AFG3L2: variants seen among roughly 807,000 people sequenced by gnomAD.
AFG3L2 encodes AFG3 like matrix AAA peptidase subunit 2, also known as mitochondrial inner membrane m-AAA protease component AFG3L2.
Under a neutral mutation model 94.5 loss-of-function variants are expected in AFG3L2, and 54 were observed. The observed-to-expected ratio is 0.57, with a 90% CI of 0.46 to 0.72. The LOEUF (loss-of-function observed/expected upper bound fraction) is 0.72. Ranked by LOEUF, AFG3L2 falls within the 30% of genes least tolerant of loss-of-function variation. AFG3L2 has a pLI of 0.00. For missense variants in AFG3L2, 754 were observed against 994.9 expected (o/e 0.76, Z 3.26); for synonymous variants, 377 against 365.5 (o/e 1.03, Z -0.36).
rs553888943 is a variant in AFG3L2, at chr18:12,377,192, A to G, written c.-110T>C. The stretch of plus-strand genomic sequence containing the variant: ...TCGGGGAAAGGCCGCCAGGCAGCGA[A>G]GCGCGCCGGCGGCTCACGGAGGAGC... On this transcript the variant is annotated 5_prime_UTR_variant, in exon 1 of 17. Transcript: ENST00000269143. 1.1e-4 allele frequency: 98 copies of G among 858,794 alleles called. No homozygotes were observed. In the African/African-American group the frequency reaches 1.7e-3, roughly 15 times the overall value. The allele number at this position is 858,794 out of a possible 1,614,324, so 53.2% of individuals were successfully genotyped here.
At chr18:12,375,954 C>G (rs1464556916) in intron 1 of AFG3L2, among the ~76,000 whole-genome samples, 2 of 152,120 alleles carry the variant, frequency 1.3e-5, no homozygotes, top group African/African-American at 4.8e-5. Context: ...GCACTCCGGC[C>G]TGGGCGAAGA....
chr18:12,347,399 C>A (rs1908174445), intron 13 of AFG3L2, among the ~76,000 whole-genome samples: 1 of 152,196 alleles, frequency 6.6e-6, no homozygotes. Context: ...CCTTTGAATG[C>A]CCAAGTTCTT....
At chr18:12,337,828 G>A (rs189602033) in intron 15 of AFG3L2, among the ~76,000 whole-genome samples, 77 of 152,160 alleles carry the variant, frequency 5.1e-4, no homozygotes, top group African/African-American at 1.8e-3. Flanking sequence ...ATAGTGCAGT[G>A]GCACCATCTT....
intron 13 of AFG3L2, among the ~76,000 whole-genome samples, chr18:12,346,903 C>CAAA (rs35013811): frequency 2.7e-5 from 1 of 36,854 alleles, no homozygotes; most frequent in Non-Finnish European, 4.7e-5. Context: ...GACTCCATCT[C>CAAA]AAAAAAAAAA....
chr18:12,345,980 C>T (rs1273008529), intron 13 of AFG3L2, among the ~76,000 whole-genome samples: 1 of 152,180 alleles, frequency 6.6e-6, no homozygotes, highest in Non-Finnish European at 1.5e-5. Context: ...AAGCCCCACT[C>T]GTCTGGTTTT....
At chr18:12,345,050 A>G (rs1451232323) in intron 13 of AFG3L2, among the ~76,000 whole-genome samples, 1 of 152,336 alleles carries the variant, frequency 6.6e-6, no homozygotes, top group Admixed American at 6.5e-5. Context: ...TGGAAGGCAG[A>G]AGAGAGTCTG....
At chr18:12,365,871 CTTTT>C (rs576247423) in intron 5 of AFG3L2, among the ~76,000 whole-genome samples, 1 of 113,832 alleles carries the variant, frequency 8.8e-6, no homozygotes, top group Non-Finnish European at 1.7e-5. Flanking sequence ...TGCATCAATT[CTTTT>C]TTTTTTTTTT....
Position 12,367,317 on chromosome 18 carries a change from C to G in AFG3L2, c.358G>C (p.Gly120Arg). The change falls in exon 4 of 17, where the codon GGC becomes CGC. Residue 120 changes from glycine (G) to arginine (R), a missense_variant. Gly to Arg is a moderately radical substitution (Grantham distance 125, BLOSUM62 -2). Around this residue, in one of 4 missense-constraint regions of AFG3L2, gnomAD observed 236 missense variants for 214.0 expected, o/e 1.10. Transcript: ENST00000269143. The stretch of plus-strand genomic sequence containing the variant: ...CACCAGTGAGAATCATCTTTCTTGC[C>G]ACCTCGTTTTCCACCGCCACCACCT... Reference protein sequence around the residue: ...GGGGGGGKRGGKKDDSHWWSR... With the variant: ...GGGGGGGKRGRKKDDSHWWSR... The G allele has an allele frequency of 6.2e-7, 1 of 1,614,182 alleles. No homozygotes were observed. Among genetic ancestry groups the G allele is most frequent in the Middle Eastern group, 1.6e-4 (1 of 6,062 alleles).
intron 14 of AFG3L2, chr18:12,341,650 T>C (rs1418446043): frequency 6.6e-6 from 1 of 152,222 alleles, no homozygotes; most frequent in East Asian, 1.9e-4. Context: ...ATACCAAATA[T>C]CCATTTCATT....
chr18:12,351,608 G>A (rs557448488), intron 10 of AFG3L2, among the ~76,000 whole-genome samples, 195 bp from the exon 11 acceptor site: 5 of 150,994 alleles, frequency 3.3e-5, no homozygotes, highest in East Asian at 1.9e-4. Context: ...GTGCAATGGC[G>A]TGATCTCAGC....
intron 10 of AFG3L2, among the ~76,000 whole-genome samples, chr18:12,352,225 G>C (rs888537614): frequency 1.3e-5 from 2 of 152,146 alleles, no homozygotes; most frequent in Non-Finnish European, 2.9e-5. Flanking sequence ...AGGAGCTCCT[G>C]GGTGAATTTC....
intron 3 of AFG3L2, among the ~76,000 whole-genome samples, chr18:12,368,951 T>A (rs1908893173): frequency 6.6e-6 from 1 of 152,078 alleles, no homozygotes; most frequent in African/African-American, 2.4e-5. Flanking sequence ...CCCTCTAGTG[T>A]AGCAGGATGG....
chr18:12,361,102 C>T (rs1307074714), intron 6 of AFG3L2, among the ~76,000 whole-genome samples: 2 of 152,176 alleles, frequency 1.3e-5, no homozygotes, highest in Non-Finnish European at 1.5e-5. Flanking sequence ...AGAGGCTGGG[C>T]ACAGTGGCCA....
intron 1 of AFG3L2, among the ~76,000 whole-genome samples, chr18:12,372,665 T>A (rs1909028395): frequency 6.6e-6 from 1 of 152,134 alleles, no homozygotes; most frequent in Admixed American, 6.6e-5. Context: ...GATGAACAGA[T>A]AAATAAAATG....
chr18:12,368,847 C>T (rs1278750458), intron 3 of AFG3L2, among the ~76,000 whole-genome samples: 2 of 152,142 alleles, frequency 1.3e-5, no homozygotes, highest in Non-Finnish European at 2.9e-5. Flanking sequence ...CTGATGCACC[C>T]GTTTCGGCCT....
intron 14 of AFG3L2, chr18:12,343,366 A>C (rs1908016214): frequency 6.6e-6 from 1 of 151,430 alleles, no homozygotes; most frequent in Admixed American, 6.6e-5. Flanking sequence ...TTTTATGGAC[A>C]CTCTAATGTT....
At chr18:12,359,856 C>T in intron 7 of AFG3L2, 71 bp downstream of exon 7, 1 of 1,580,192 alleles carries the variant, frequency 6.3e-7, no homozygotes, top group Non-Finnish European at 8.7e-7. Context: ...TAGCCCTGCA[C>T]CCAGGGACAG....
chr18:12,373,356 T>A (rs1467483827), intron 1 of AFG3L2, among the ~76,000 whole-genome samples: 1 of 152,212 alleles, frequency 6.6e-6, no homozygotes, highest in Non-Finnish European at 1.5e-5. Flanking sequence ...GGCCAGGTGC[T>A]GTCAAGCAGT....
chr18:12,365,869 TTC>T (rs918015511), intron 5 of AFG3L2, among the ~76,000 whole-genome samples: 3 of 141,394 alleles, frequency 2.1e-5, no homozygotes, highest in African/African-American at 8.5e-5. Flanking sequence ...ACTGCATCAA[TTC>T]TTTTTTTTTT....
Sources: allele counts gnomAD v4.1 joint callset (sites outside exome capture counted in the v4.1 genomes callset), GRCh38; gene constraint gnomAD v4.1.1; regional missense constraint gnomAD v4.1.1; transcripts MANE v1.5; gene names NCBI Gene and HGNC (gene_info 2026-07-23, HGNC 2026-07-21).